The following SKAP1 variants were observed in gnomAD, a reference collection of about 807,000 sequenced individuals.
SKAP1 encodes src kinase associated phosphoprotein 1.
A neutral mutation model predicts 58.5 loss-of-function variants in SKAP1; 44 were observed. The ratio of observed to expected loss-of-function variants is 0.75; its 90% CI spans 0.59 to 0.97. The LOEUF is 0.97. SKAP1 is among the 50% of genes least tolerant of loss of function. The pLI is 0.00. For synonymous variants in SKAP1, 127 were observed against 149.7 expected (o/e 0.85, Z 1.11); for missense variants, 390 against 435.2 (o/e 0.90, Z 0.92).
rs76332931 is a variant in SKAP1 at position 48,411,621 on chromosome 17, T to C, written c.47-14836A>G. ...TTACAATAGAGAAACCTGACAAACA[T>C]CATATCAGCCAGGTGATCAAAGTCA... On this transcript the variant is annotated intron_variant, in intron 1 of 12. Coordinates refer to ENST00000336915, the MANE Select transcript of SKAP1 (RefSeq NM_003726.4). Among the ~76,000 whole-genome samples the C allele has an allele frequency of 4.6e-3, 697 of 152,132 alleles. 4 individuals carry two copies. The highest frequency in any genetic ancestry group is 0.016 in the African/African-American group (647 of 41,470).
At chr17:48,385,623 G>A (rs1404806195) in intron 2 of SKAP1, among the ~76,000 whole-genome samples, 1 of 152,146 alleles carries the variant, frequency 6.6e-6, no homozygotes, top group African/African-American at 2.4e-5. Flanking sequence ...AAGGGGAGAG[G>A]TCTGAAGCAA....
At chr17:48,347,516 G>A (rs572714678) in intron 3 of SKAP1, among the ~76,000 whole-genome samples, 9 of 152,116 alleles carry the variant, frequency 5.9e-5, no homozygotes, top group Admixed American at 2.0e-4. Flanking sequence ...TTCAAATGCT[G>A]TATGGTAGGT....
chr17:48,428,428 A>G (rs2067876436), intron 1 of SKAP1, among the ~76,000 whole-genome samples: 1 of 152,232 alleles, frequency 6.6e-6, no homozygotes, highest in Non-Finnish European at 1.5e-5. Flanking sequence ...CAGTCAGCTA[A>G]CAAGAAAATA....
intron 7 of SKAP1, among the ~76,000 whole-genome samples, chr17:48,182,731 A>C (rs552777306): frequency 6.6e-6 from 1 of 152,326 alleles, no homozygotes; most frequent in Admixed American, 6.5e-5. Flanking sequence ...CCTTCATCAG[A>C]CATTTATTTG....
In SKAP1 at chr17:48,146,775, C is replaced by T. The variant is rs529162028; in HGVS notation, c.979-9438G>A. Among the ~76,000 whole-genome samples the T allele has an allele frequency of 1.2e-3, 189 of 152,158 alleles. 1 individual carries two copies. Among genetic ancestry groups the T allele is most frequent in the African/African-American group, 4.5e-3 (189 of 41,550 alleles). On this transcript the variant is annotated intron_variant, in intron 11 of 12. Transcript: ENST00000336915. ...TCCTGAGTAGTTGAGATTACAGGCACCCGCCACCACGCCCAGCTAATTTTT... is the reference window on the plus strand; with the variant it reads ...TCCTGAGTAGTTGAGATTACAGGCATCCGCCACCACGCCCAGCTAATTTTT...
At chr17:48,223,120 C>T (rs2065025102) in intron 4 of SKAP1, among the ~76,000 whole-genome samples, 1 of 144,264 alleles carries the variant, frequency 6.9e-6, no homozygotes, top group South Asian at 2.3e-4. Flanking sequence ...TGAAGTCAAG[C>T]TTTCCAGTGT....
At chr17:48,375,908 TGA>T (rs1350354650) in intron 2 of SKAP1, among the ~76,000 whole-genome samples, 3 of 152,072 alleles carry the variant, frequency 2.0e-5, no homozygotes, top group Admixed American at 6.6e-5. Context: ...GGAAGCTACT[TGA>T]GAGCAAGAGA....
chr17:48,358,622 T>A (rs1272106639), intron 3 of SKAP1, among the ~76,000 whole-genome samples: 2 of 152,188 alleles, frequency 1.3e-5, no homozygotes, highest in African/African-American at 4.8e-5. Flanking sequence ...CCTACACCAG[T>A]GTTCAGCTAT....
intron 3 of SKAP1, among the ~76,000 whole-genome samples, chr17:48,360,264 G>T (rs913292648): frequency 2.0e-5 from 3 of 151,956 alleles, no homozygotes; most frequent in Non-Finnish European, 4.4e-5. Context: ...TATTCATGAA[G>T]ATTTTTTTAT....
intron 1 of SKAP1, among the ~76,000 whole-genome samples, chr17:48,419,299 T>C (rs570760995): frequency 1.3e-4 from 20 of 148,830 alleles, no homozygotes; most frequent in African/African-American, 5.0e-4. Flanking sequence ...TTTTTTTTTT[T>C]CCAAAACAGT....
chr17:48,208,993 T>C (rs2077396106), intron 4 of SKAP1, among the ~76,000 whole-genome samples: 1 of 152,188 alleles, frequency 6.6e-6, no homozygotes, highest in Non-Finnish European at 1.5e-5. Flanking sequence ...TCTCCTAATA[T>C]ACCTTGATTC....
intron 5 of SKAP1, among the ~76,000 whole-genome samples, chr17:48,188,965 A>G (rs1296289100): frequency 2.6e-5 from 4 of 152,204 alleles, no homozygotes; most frequent in Non-Finnish European, 5.9e-5. Flanking sequence ...CACCCACTGC[A>G]CTACAGAGTG....
intron 2 of SKAP1, among the ~76,000 whole-genome samples, chr17:48,391,526 A>C (rs114769304): frequency 0.012 from 1,882 of 152,340 alleles, 42 homozygotes; most frequent in African/African-American, 0.041. Context: ...TCTTTAACTC[A>C]GTTGTGAAAT....
At chr17:48,159,892 A>G (rs2143264491) in intron 11 of SKAP1, among the ~76,000 whole-genome samples, 1 of 152,298 alleles carries the variant, frequency 6.6e-6, no homozygotes, top group East Asian at 1.9e-4. Flanking sequence ...TTCATGAGGG[A>G]AAGTTCAGCT....
chr17:48,420,837 T>C (rs2067784698), intron 1 of SKAP1, among the ~76,000 whole-genome samples: 1 of 152,118 alleles, frequency 6.6e-6, no homozygotes, highest in Non-Finnish European at 1.5e-5. Context: ...GTCCTGTGCA[T>C]TGTAGGAAGT....
chr17:48,263,165 A>G (rs1016283295), intron 4 of SKAP1, among the ~76,000 whole-genome samples: 3 of 152,250 alleles, frequency 2.0e-5, no homozygotes, highest in African/African-American at 7.2e-5. Context: ...TTCAGTAAAC[A>G]AAGTGAGAGC....
chr17:48,224,038 A>AAGGAAG (rs2065036660), intron 4 of SKAP1, among the ~76,000 whole-genome samples: 1 of 52,404 alleles, frequency 1.9e-5, no homozygotes, highest in African/African-American at 7.3e-5. Context: ...GAGAGAGAAG[A>AAGGAAG]AGGAGGAGGA....
chr17:48,310,048 A>G (rs1464115702), intron 4 of SKAP1, among the ~76,000 whole-genome samples: 4 of 152,226 alleles, frequency 2.6e-5, no homozygotes, highest in Non-Finnish European at 5.9e-5. Flanking sequence ...ATTCTGAGCA[A>G]TATGGTTGCA....
chr17:48,240,157 C>T (rs1331251882), intron 4 of SKAP1, among the ~76,000 whole-genome samples: 1 of 151,022 alleles, frequency 6.6e-6, no homozygotes, highest in African/African-American at 2.4e-5. Flanking sequence ...TGGAATTGAG[C>T]ATTGCTAGAT....
Sources: allele counts gnomAD v4.1 joint callset (sites outside exome capture counted in the v4.1 genomes callset), GRCh38; gene constraint gnomAD v4.1.1; transcripts MANE v1.5; gene names NCBI Gene and HGNC (gene_info 2026-07-23, HGNC 2026-07-21).